Variants in XRCC4 observed in about 807,000 individuals in gnomAD.
XRCC4 encodes DNA repair protein XRCC4.
Under a neutral mutation model 39.1 loss-of-function variants are expected in XRCC4, and 28 were observed. The observed-to-expected ratio is 0.72, with a 90% CI of 0.53 to 0.98. The LOEUF is 0.98. XRCC4 is among the 50% of genes least tolerant of loss of function. XRCC4 has a pLI of 0.00. For synonymous variants in XRCC4, 123 were observed against 126.4 expected, an observed-to-expected ratio of 0.97 and a Z score of 0.18; for missense variants, 350 against 376.4, an observed-to-expected ratio of 0.93 and a Z score of 0.58.
At chr5:83,119,468 GT>G (rs1392836411) in intron 3 of XRCC4, among the ~76,000 whole-genome samples, 1 of 152,064 alleles carries the variant, frequency 6.6e-6, no homozygotes, top group Non-Finnish European at 1.5e-5. Context: ...AAAAGTATAC[GT>G]TTTCTAGCTA....
the XRCC4 span, among the ~76,000 whole-genome samples, chr5:83,367,871 G>T: frequency 6.6e-6 from 1 of 151,916 alleles, no homozygotes; most frequent in South Asian, 2.1e-4. Context: ...GGGATTACAG[G>T]CATGAGCCAC....
chr5:83,134,961 A>T (rs924008316), intron 3 of XRCC4, among the ~76,000 whole-genome samples: 4 of 152,142 alleles, frequency 2.6e-5, no homozygotes. Context: ...CAGAAGGAAG[A>T]TACTCCGGAC....
At chr5:83,157,272 A>G (rs1228480278) in intron 3 of XRCC4, among the ~76,000 whole-genome samples, 1 of 152,074 alleles carries the variant, frequency 6.6e-6, no homozygotes, top group East Asian at 1.9e-4. Flanking sequence ...TGATCACACT[A>G]TCCTCTATCC....
intron 3 of XRCC4, among the ~76,000 whole-genome samples, chr5:83,170,248 C>T (rs1323992694): frequency 2.6e-5 from 4 of 152,116 alleles, no homozygotes; most frequent in Non-Finnish European, 4.4e-5. Context: ...CTAAAAAAAC[C>T]TAGTTGTAAC....
At chr5:83,250,093 C>G (rs1753252064) in intron 6 of XRCC4, among the ~76,000 whole-genome samples, 2 of 152,054 alleles carry the variant, frequency 1.3e-5, no homozygotes, top group South Asian at 4.1e-4. Flanking sequence ...AGAAGTGAAC[C>G]TATGAAAACA....
intron 2 of XRCC4, among the ~76,000 whole-genome samples, chr5:83,108,901 G>C (rs1203259750): frequency 6.7e-6 from 1 of 149,296 alleles, no homozygotes; most frequent in Non-Finnish European, 1.5e-5. Context: ...AAGATCAATA[G>C]GTTTGATAGT....
At chr5:83,095,056 C>G (rs1745614358) in intron 1 of XRCC4, among the ~76,000 whole-genome samples, 1 of 152,090 alleles carries the variant, frequency 6.6e-6, no homozygotes, top group Non-Finnish European at 1.5e-5. Context: ...CCAGCTTTTA[C>G]AGGTGTTCGT....
At position 83,306,926 on chromosome 5, in the gene XRCC4, ACT is replaced by A. The variant is rs557575887; in HGVS notation, c.894-46200_894-46199del. The stretch of plus-strand genomic sequence containing the variant: ...GGAACAGAGGAAGGGAAATTTCATA[ACT>A]CTCTAGAATATTTCATTGTTCAACT... On this transcript the variant is annotated intron_variant, in intron 7 of 7. Coordinates refer to ENST00000396027, the MANE Select transcript of XRCC4 (RefSeq NM_003401.5). 4.8e-3 allele frequency among the ~76,000 whole-genome samples: 731 copies of A among 152,160 alleles called. 3 individuals are homozygous for A. The highest frequency in any genetic ancestry group is 0.017 in the African/African-American group (700 of 41,510).
At position 83,111,025 on chromosome 5, in the gene XRCC4, T is replaced by C. The variant is rs914971712; in HGVS notation, c.140-3T>C. The C allele has an allele frequency of 4.4e-6, 7 of 1,602,368 alleles. No individual in the cohort carries two copies. In the Admixed American group the frequency reaches 1.2e-4, roughly 28 times the overall value. On this transcript the variant is annotated splice_polypyrimidine_tract_variant and splice_region_variant and intron_variant, in intron 2 of 7. Transcript: ENST00000396027. ...TTAAAACTTTTGTTAATATTTCCCA[T>C]AGTTTCTGAATCAGAGATTTCCCAA... is the stretch of plus-strand genomic sequence containing the variant.
chr5:83,258,605 A>G lies in XRCC4; in HGVS notation c.821A>G (p.Gln274Arg). The change falls in exon 7 of 8, where the codon CAG becomes CGG. Residue 274 changes from glutamine to arginine, a missense_variant. Gln to Arg is a conservative substitution (Grantham distance 43, BLOSUM62 1). Coordinates refer to ENST00000396027, the MANE Select transcript of XRCC4 (RefSeq NM_003401.5). ...ATTGCACCAAGTAGAAAAAGGAGAC[A>G]GCGAATGCAAAGAAATCTTGGGACA... ...TDIAPSRKRR[Q>R]RMQRNLGTEP... is the part of the protein sequence containing the mutation. 2 of 1,611,714 alleles carry G rather than the reference A, an allele frequency of 1.2e-6. No homozygotes were observed. The highest frequency in any genetic ancestry group is 2.2e-5 in the South Asian group (2 of 90,478).
intron 7 of XRCC4, among the ~76,000 whole-genome samples, chr5:83,289,667 G>T (rs1754850377): frequency 6.6e-6 from 1 of 151,830 alleles, no homozygotes; most frequent in African/African-American, 2.4e-5. Context: ...TAGCTGACCT[G>T]TACCTTGGGG....
At chr5:83,244,522 CA>C (rs1156807974) in intron 6 of XRCC4, among the ~76,000 whole-genome samples, 2 of 152,184 alleles carry the variant, frequency 1.3e-5, no homozygotes, top group Non-Finnish European at 2.9e-5. Context: ...GCCAGGTCTT[CA>C]GCCTTGCTTT....
intron 7 of XRCC4, among the ~76,000 whole-genome samples, chr5:83,292,799 T>C (rs535338160): frequency 6.6e-6 from 1 of 151,930 alleles, no homozygotes; most frequent in African/African-American, 2.4e-5. Flanking sequence ...TATAAATTCA[T>C]AATTTAATCA....
At chr5:83,302,833 T>TAATA (rs1407866910) in intron 7 of XRCC4, among the ~76,000 whole-genome samples, 6 of 152,212 alleles carry the variant, frequency 3.9e-5, no homozygotes, top group Non-Finnish European at 8.8e-5. Flanking sequence ...TTAATCCTTA[T>TAATA]AATAATTCAA....
At chr5:83,211,120 A>G (rs554636055) in intron 6 of XRCC4, among the ~76,000 whole-genome samples, 21 of 152,334 alleles carry the variant, frequency 1.4e-4, no homozygotes, top group East Asian at 9.6e-4. Flanking sequence ...AACATGGCCA[A>G]AGGCAAACAG....
At chr5:83,316,256 T>C (rs1480041970) in intron 7 of XRCC4, among the ~76,000 whole-genome samples, 1 of 152,004 alleles carries the variant, frequency 6.6e-6, no homozygotes, top group African/African-American at 2.4e-5. Context: ...AGGTGGCTTC[T>C]TGAAATAAAA....
At chr5:83,273,518 A>T (rs1409745491) in intron 7 of XRCC4, among the ~76,000 whole-genome samples, 1 of 152,118 alleles carries the variant, frequency 6.6e-6, no homozygotes, top group Non-Finnish European at 1.5e-5. Flanking sequence ...GGTATTGCCT[A>T]GGTTTTCTTC....
chr5:83,262,588 C>T (rs957146638), intron 7 of XRCC4, among the ~76,000 whole-genome samples: 3 of 151,934 alleles, frequency 2.0e-5, no homozygotes, highest in African/African-American at 7.2e-5. Context: ...AAAAGGAATA[C>T]AGATATAAAA....
At chr5:83,099,623 A>C (rs1745832133) in intron 1 of XRCC4, among the ~76,000 whole-genome samples, 1 of 152,174 alleles carries the variant, frequency 6.6e-6, no homozygotes, top group Admixed American at 6.6e-5. Flanking sequence ...AAGCTTCTCA[A>C]TTCTCAATTG....
Sources: gnomAD v4.1 joint callset for allele counts (sites outside exome capture counted in the v4.1 genomes callset) on GRCh38, gnomAD v4.1.1 for gene constraint, MANE v1.5 for transcripts, NCBI Gene and HGNC (gene_info 2026-07-23, HGNC 2026-07-21) for gene names.